RAD51B: variants seen among roughly 807,000 people sequenced by gnomAD.
RAD51B encodes the protein RAD51 paralog B, also known as DNA repair protein RAD51 homolog 2.
Under a neutral mutation model 42.2 loss-of-function variants are expected in RAD51B, and 38 were observed. That is an observed-to-expected ratio of 0.90 (90% CI 0.70 to 1.18). The LOEUF (loss-of-function observed/expected upper bound fraction) is 1.18. Ranked by LOEUF, RAD51B falls within the 50% of genes most tolerant of loss-of-function variation. The pLI is 0.00. For synonymous variants in RAD51B, 154 were observed against 145.2 expected, an observed-to-expected ratio of 1.06 and a Z score of -0.43; for missense variants, 373 against 400.7, an observed-to-expected ratio of 0.93 and a Z score of 0.59.
chr14:67,820,491 G>A (rs2040588657), intron 1 of RAD51B, among the ~76,000 whole-genome samples: 1 of 152,118 alleles, frequency 6.6e-6, no homozygotes, highest in African/African-American at 2.4e-5. Flanking sequence ...CTCCAGGGTT[G>A]ACCGTCTCCC....
intron 9 of RAD51B, among the ~76,000 whole-genome samples, chr14:68,419,470 A>G (rs1258316768): frequency 6.6e-6 from 1 of 152,286 alleles, no homozygotes; most frequent in East Asian, 1.9e-4. Context: ...CCACATTGCA[A>G]TCAATTACAA....
chr14:67,836,225 A>G (rs1263062673), intron 4 of RAD51B, among the ~76,000 whole-genome samples: 1 of 152,188 alleles, frequency 6.6e-6, no homozygotes, highest in Non-Finnish European at 1.5e-5. Flanking sequence ...TGAGGGGCCC[A>G]CTTACATGAC....
intron 10 of RAD51B, among the ~76,000 whole-genome samples, chr14:68,543,973 T>G (rs2842331): frequency 0.2 from 30,678 of 152,184 alleles, 3,730 homozygotes; most frequent in South Asian, 0.32. Flanking sequence ...TAACCCCATT[T>G]GAAAGTCCAA....
chr14:67,852,410 G>T (rs979940829), intron 4 of RAD51B, among the ~76,000 whole-genome samples: 2 of 152,240 alleles, frequency 1.3e-5, no homozygotes, highest in Non-Finnish European at 2.9e-5. Context: ...GTGGGGTTGA[G>T]CTTCCAAGAA....
At chr14:68,262,901 A>G (rs1174769625) in intron 7 of RAD51B, among the ~76,000 whole-genome samples, 2 of 152,156 alleles carry the variant, frequency 1.3e-5, no homozygotes, top group Non-Finnish European at 2.9e-5. Context: ...CATCAAACCT[A>G]AGTAAAAATA....
intron 10 of RAD51B, among the ~76,000 whole-genome samples, chr14:68,630,760 C>T (rs1018704538): frequency 1.1e-4 from 17 of 152,310 alleles, no homozygotes; most frequent in South Asian, 1.0e-3. Context: ...ACCACCACCA[C>T]CATTCCAACC....
intron 7 of RAD51B, among the ~76,000 whole-genome samples, chr14:68,193,924 GTC>G (rs1370128301): frequency 6.6e-6 from 1 of 152,090 alleles, no homozygotes; most frequent in Non-Finnish European, 1.5e-5. Flanking sequence ...ACCAGCAGTA[GTC>G]TCTCTGTGAT....
chr14:67,852,969 G>T (rs577116437), intron 4 of RAD51B, among the ~76,000 whole-genome samples: 2 of 152,222 alleles, frequency 1.3e-5, no homozygotes, highest in East Asian at 3.9e-4. Flanking sequence ...AGATTATTTG[G>T]ATCTAATCAT....
At chr14:67,839,243 G>T (rs2041346542) in intron 4 of RAD51B, among the ~76,000 whole-genome samples, 1 of 151,992 alleles carries the variant, frequency 6.6e-6, no homozygotes, top group Admixed American at 6.6e-5. Context: ...GCAATAGTTT[G>T]CCTATGATGG....
chr14:67,829,701 C>T (rs1205951657), intron 3 of RAD51B, among the ~76,000 whole-genome samples: 2 of 152,046 alleles, frequency 1.3e-5, no homozygotes, highest in South Asian at 2.1e-4. Flanking sequence ...CCTGTATTTA[C>T]TGAATGTCAA....
chr14:68,362,503 G>A (rs1329095925), intron 8 of RAD51B, among the ~76,000 whole-genome samples: 1 of 152,152 alleles, frequency 6.6e-6, no homozygotes, highest in African/African-American at 2.4e-5. Flanking sequence ...TAGAACCTAC[G>A]TTCTTTCATA....
chr14:68,510,615 C>T (rs1185210342), intron 10 of RAD51B, among the ~76,000 whole-genome samples: 1 of 152,182 alleles, frequency 6.6e-6, no homozygotes, highest in Admixed American at 6.5e-5. Context: ...CGTCAAAATC[C>T]TTTCATCAGC....
intron 7 of RAD51B, among the ~76,000 whole-genome samples, chr14:67,949,219 C>T (rs952428421): frequency 1.1e-4 from 17 of 152,190 alleles, no homozygotes; most frequent in Admixed American, 5.9e-4. Context: ...GCATATCATG[C>T]TACTTGATAG....
At chr14:67,884,981 A>G (rs1337267272) in intron 5 of RAD51B, among the ~76,000 whole-genome samples, 1 of 152,080 alleles carries the variant, frequency 6.6e-6, no homozygotes, top group Non-Finnish European at 1.5e-5. Flanking sequence ...GTTCTTTTGT[A>G]CTTTTGAGTC....
At chr14:68,456,628 T>C (rs1303727063) in intron 9 of RAD51B, among the ~76,000 whole-genome samples, 1 of 152,154 alleles carries the variant, frequency 6.6e-6, no homozygotes, top group African/African-American at 2.4e-5. Context: ...AATTCAATGA[T>C]AATAGCTGGA....
chr14:68,527,758 A>C (rs1887027260), intron 10 of RAD51B, among the ~76,000 whole-genome samples: 1 of 152,252 alleles, frequency 6.6e-6, no homozygotes. Context: ...TAAACACAAC[A>C]ACCACTTGGG....
intron 8 of RAD51B, among the ~76,000 whole-genome samples, chr14:68,371,076 A>T (rs527774133): frequency 4.8e-4 from 63 of 131,738 alleles, no homozygotes; most frequent in South Asian, 1.1e-3. Context: ...AAAGAAAATT[A>T]AAAAAAAAGA....
intron 10 of RAD51B, among the ~76,000 whole-genome samples, chr14:68,552,105 C>T (rs1309983312): frequency 6.6e-6 from 1 of 152,194 alleles, no homozygotes; most frequent in African/African-American, 2.4e-5. Flanking sequence ...AGATTTCTGG[C>T]TTTGCTGGGA....
chr14:68,630,030 T>C (rs973215796), intron 10 of RAD51B, among the ~76,000 whole-genome samples: 11 of 152,238 alleles, frequency 7.2e-5, no homozygotes, highest in African/African-American at 2.7e-4. Context: ...TTCCTACCAC[T>C]TCTCACAAAA....
Sources: gnomAD v4.1 joint callset for allele counts (sites outside exome capture counted in the v4.1 genomes callset) on GRCh38, gnomAD v4.1.1 for gene constraint, MANE v1.5 for transcripts, NCBI Gene and HGNC (gene_info 2026-07-23, HGNC 2026-07-21) for gene names.